RBMS3: variants seen among roughly 807,000 people sequenced by gnomAD.
The protein encoded by RBMS3 is RNA-binding motif, single-stranded-interacting protein 3.
A neutral mutation model predicts 66.8 loss-of-function variants in RBMS3; 27 were observed. The observed-to-expected ratio is 0.40, with a 90% CI of 0.30 to 0.56. The LOEUF (loss-of-function observed/expected upper bound fraction) is 0.56, where lower values mean the gene tolerates loss of function less well. Ranked by LOEUF, RBMS3 falls within the 20% of genes least tolerant of loss-of-function variation. The pLI is 0.40. For synonymous variants in RBMS3, 188 were observed against 183.0 expected (o/e 1.03, Z -0.22); for missense variants, 513 against 549.5 (o/e 0.93, Z 0.66).
chr3:29,956,581 G>A (rs917749826), intron 12 of RBMS3, among the ~76,000 whole-genome samples: 1 of 151,966 alleles, frequency 6.6e-6, no homozygotes, highest in Non-Finnish European at 1.5e-5. Context: ...AATAAATGTG[G>A]AGAGAAAAAG....
chr3:29,583,877 A>C (rs2047417834), intron 3 of RBMS3, among the ~76,000 whole-genome samples: 1 of 151,874 alleles, frequency 6.6e-6, no homozygotes, highest in Non-Finnish European at 1.5e-5. Context: ...CTAGCTTCAC[A>C]CTGGAATCAG....
intron 3 of RBMS3, among the ~76,000 whole-genome samples, chr3:29,503,055 G>A (rs1291616014): frequency 5.9e-5 from 9 of 152,060 alleles, no homozygotes; most frequent in Non-Finnish European, 4.4e-5. Context: ...AATAGCTTGC[G>A]TGTAGTTGTG....
intron 11 of RBMS3, among the ~76,000 whole-genome samples, chr3:29,942,494 G>A (rs1424587336): frequency 6.6e-6 from 1 of 151,788 alleles, no homozygotes; most frequent in Non-Finnish European, 1.5e-5. Context: ...CTGCACTTCA[G>A]CCTGAATGAT....
At chr3:29,808,583 C>T (rs2057629697) in intron 6 of RBMS3, among the ~76,000 whole-genome samples, 1 of 151,930 alleles carries the variant, frequency 6.6e-6, no homozygotes. Context: ...ATCTTCTGAT[C>T]AGATATTTAG....
chr3:29,413,678 A>G (rs2040368295), intron 1 of RBMS3, among the ~76,000 whole-genome samples: 1 of 152,194 alleles, frequency 6.6e-6, no homozygotes. Context: ...CACATAAGAC[A>G]TAGGAGGTCA....
chr3:29,649,813 T>G (rs1371265277), intron 4 of RBMS3, among the ~76,000 whole-genome samples: 1 of 152,234 alleles, frequency 6.6e-6, no homozygotes, highest in African/African-American at 2.4e-5. Flanking sequence ...AAAATTTTAA[T>G]GTACTAGTTA....
chr3:29,587,672 C>T (rs931071624), intron 4 of RBMS3, among the ~76,000 whole-genome samples: 4 of 151,822 alleles, frequency 2.6e-5, no homozygotes, highest in African/African-American at 9.7e-5. Context: ...GTTCTCTTAG[C>T]TGGGGAGAGC....
rs1025997506 is a variant in RBMS3 at position 29,782,383 on chromosome 3, G to T, written c.637+19394G>T. On this transcript the variant is annotated intron_variant, in intron 6 of 14. Coordinates refer to ENST00000383767, the MANE Select transcript of RBMS3 (RefSeq NM_001003793.3). The stretch of plus-strand genomic sequence containing the variant: ...TCTTTGCAGACACTCCCCAGTACTA[G>T]CTCAGAGCCTGGGAGCTCCGCTGGG... Among the ~76,000 whole-genome samples the T allele has an allele frequency of 2.6e-5, 4 of 152,322 alleles. No individual in the cohort carries two copies. In the East Asian group the frequency reaches 7.7e-4, roughly 29 times the overall value.
At chr3:29,408,271 CAAAA>C (rs10708935) in intron 1 of RBMS3, among the ~76,000 whole-genome samples, 6 of 74,846 alleles carry the variant, frequency 8.0e-5, no homozygotes, top group Admixed American at 2.9e-4. Flanking sequence ...GACTCCATCT[CAAAA>C]AAAAAAAAAA....
chr3:29,454,579 C>T lies in RBMS3; in HGVS notation c.248+19664C>T, dbSNP rs1001319906. On this transcript the variant is annotated intron_variant, in intron 2 of 14. Coordinates refer to ENST00000383767, the MANE Select transcript of RBMS3 (RefSeq NM_001003793.3). ...CACCAACAGGACGCTTTCTATGAAT[C>T]GTGTCTTTTATTCCACATATGTAAT... Among the ~76,000 whole-genome samples the T allele has an allele frequency of 4.6e-5, 7 of 152,168 alleles. No individual in the cohort carries two copies. In the South Asian group the frequency reaches 8.3e-4, roughly 18 times the overall value.
intron 1 of RBMS3, among the ~76,000 whole-genome samples, chr3:29,402,754 G>A (rs1370774469): frequency 6.6e-6 from 1 of 151,884 alleles, no homozygotes; most frequent in Admixed American, 6.6e-5. Context: ...GTTTTTCAAG[G>A]GGAGGAATGA....
chr3:29,526,825 CTCTCTT>C (rs1427615900), intron 3 of RBMS3, among the ~76,000 whole-genome samples: 7 of 151,938 alleles, frequency 4.6e-5, no homozygotes, highest in African/African-American at 1.7e-4. Context: ...CAATTCCTCC[CTCTCTT>C]TCTCTTTCTC....
intron 3 of RBMS3, among the ~76,000 whole-genome samples, chr3:29,566,668 G>A (rs1289422150): frequency 6.6e-6 from 1 of 150,416 alleles, no homozygotes; most frequent in Non-Finnish European, 1.5e-5. Context: ...GGGAAAAAGA[G>A]TATACATTGT....
intron 1 of RBMS3, among the ~76,000 whole-genome samples, chr3:29,336,275 A>G (rs1259303444): frequency 6.6e-6 from 1 of 152,162 alleles, no homozygotes; most frequent in Non-Finnish European, 1.5e-5. Flanking sequence ...CATGTACAAC[A>G]TATTTTGCTC....
intron 12 of RBMS3, among the ~76,000 whole-genome samples, chr3:29,968,531 CTA>C (rs1462209250): frequency 6.9e-6 from 1 of 145,916 alleles, no homozygotes; most frequent in Non-Finnish European, 1.5e-5. Context: ...GCTGCTTCCT[CTA>C]TCCCTGTATT....
intron 2 of RBMS3, among the ~76,000 whole-genome samples, chr3:29,461,823 G>A (rs1327262274): frequency 2.0e-5 from 3 of 151,194 alleles, no homozygotes; most frequent in African/African-American, 4.9e-5. Context: ...GTGCGATCTC[G>A]GCTCACTGCA....
At chr3:29,784,225 C>T (rs113668724) in intron 6 of RBMS3, among the ~76,000 whole-genome samples, 17,860 of 151,980 alleles carry the variant, frequency 0.12, 1,306 homozygotes, top group African/African-American at 0.19. Flanking sequence ...AACATTCTAC[C>T]GAACAACTGC....
chr3:29,714,338 A>T (rs190366811), intron 4 of RBMS3, among the ~76,000 whole-genome samples: 1 of 152,312 alleles, frequency 6.6e-6, no homozygotes, highest in East Asian at 1.9e-4. Context: ...GATGACTTCA[A>T]GTTTTGTGGC....
intron 1 of RBMS3, among the ~76,000 whole-genome samples, chr3:29,365,461 TACA>T (rs1050567724): frequency 1.3e-4 from 20 of 152,234 alleles, no homozygotes; most frequent in African/African-American, 4.8e-4. Context: ...AGGAAAACAA[TACA>T]ACATTACTTC....
Sources: allele counts gnomAD v4.1 joint callset (sites outside exome capture counted in the v4.1 genomes callset), GRCh38; gene constraint gnomAD v4.1.1; transcripts MANE v1.5; gene names NCBI Gene and HGNC (gene_info 2026-07-23, HGNC 2026-07-21).